PCDHA11: variants seen among roughly 807,000 people sequenced by gnomAD.
PCDHA11 encodes protocadherin alpha 11, also known as protocadherin alpha-11.
In PCDHA11, 61 loss-of-function variants were observed where a neutral mutation model predicts 70.3. The ratio of observed to expected loss-of-function variants is 0.87; its 90% confidence interval spans 0.71 to 1.07. The LOEUF is 1.07. Ranked by LOEUF, PCDHA11 falls within the 50% of genes least tolerant of loss-of-function variation. The pLI, the probability that PCDHA11 is intolerant of heterozygous loss-of-function variation, is 0.00. For missense variants in PCDHA11, 1,324 were observed against 1,237.5 expected, an observed-to-expected ratio of 1.07 and a Z score of -1.05; for synonymous variants, 633 against 555.1, an observed-to-expected ratio of 1.14 and a Z score of -1.97.
intron 1 of PCDHA11, among the ~76,000 whole-genome samples, chr5:140,904,555 C>A (rs1345633704): frequency 6.6e-6 from 1 of 151,632 alleles, no homozygotes. Flanking sequence ...CATATAATGA[C>A]TTTTTTTTCC....
At chr5:140,913,503 T>G (rs1334607884) in intron 1 of PCDHA11, among the ~76,000 whole-genome samples, 6 of 152,182 alleles carry the variant, frequency 3.9e-5, no homozygotes, top group African/African-American at 1.4e-4. Context: ...GTTTAAAACT[T>G]TGTCAATTTT....
intron 1 of PCDHA11, among the ~76,000 whole-genome samples, chr5:140,972,550 A>G (rs534377572): frequency 6.6e-6 from 1 of 152,114 alleles, no homozygotes; most frequent in Admixed American, 6.5e-5. Context: ...TGCAGTGAGG[A>G]TTCTGAAGTA....
chr5:140,967,636 T>G, intron 1 of PCDHA11: 2 of 1,614,138 alleles, frequency 1.2e-6, no homozygotes, highest in Non-Finnish European at 1.7e-6. Context: ...GCTCCAATGG[T>G]GAGCTCAGGT....
At chr5:140,967,128 T>G in intron 1 of PCDHA11, 14 of 1,612,170 alleles carry the variant, frequency 8.7e-6, no homozygotes, top group Non-Finnish European at 1.1e-5. Flanking sequence ...CTGCTCAGCT[T>G]GGAAGTGCTG....
intron 3 of PCDHA11, among the ~76,000 whole-genome samples, chr5:140,984,162 C>A (rs2097089666): frequency 6.6e-6 from 1 of 152,150 alleles, no homozygotes; most frequent in Non-Finnish European, 1.5e-5. Context: ...GAGAACTTCC[C>A]AAAGAAGCCA....
chr5:140,976,054 G>A (rs1554237225), intron 1 of PCDHA11, among the ~76,000 whole-genome samples: 1 of 152,134 alleles, frequency 6.6e-6, no homozygotes, highest in African/African-American at 2.4e-5. Context: ...AATTGTGATA[G>A]TAATATATGT....
At chr5:141,005,437 C>T (rs1469007749) in intron 3 of PCDHA11, among the ~76,000 whole-genome samples, 4 of 152,092 alleles carry the variant, frequency 2.6e-5, no homozygotes, top group African/African-American at 7.2e-5. Context: ...GGATGAGAGG[C>T]TCACGCCTGT....
intron 1 of PCDHA11, among the ~76,000 whole-genome samples, chr5:140,885,265 T>C (rs2060534945): frequency 6.6e-6 from 1 of 152,186 alleles, no homozygotes; most frequent in African/African-American, 2.4e-5. Flanking sequence ...TAATTACTCA[T>C]ACATATATAT....
rs1554164402 is a variant in PCDHA11, at chr5:140,870,554, A to C, written c.1451A>C (p.Gln484Pro). The change falls in exon 1 of 4, where the codon CAG becomes CCG. Residue 484 changes from glutamine to proline, a missense_variant. Gln to Pro is a moderately conservative substitution (Grantham distance 76, BLOSUM62 -1). Coordinates refer to ENST00000398640, the MANE Select transcript of PCDHA11 (RefSeq NM_018902.5). ...FTVSARDADA[Q>P]ENALVSYSLV... ...GTGTCGGCGCGGGACGCGGACGCGC[A>C]GGAGAACGCGCTGGTGTCCTACTCG... The C allele has an allele frequency of 6.2e-7, 1 of 1,614,044 alleles. No homozygotes were observed. Among genetic ancestry groups the C allele is most frequent in the African/African-American group, 1.3e-5 (1 of 75,068 alleles).
At chr5:140,930,013 G>A (rs2086530432) in intron 1 of PCDHA11, 1 of 152,118 alleles carries the variant, frequency 6.6e-6, no homozygotes, top group Admixed American at 6.5e-5. Context: ...ATAGCTGATA[G>A]CTCCATAGCA....
In PCDHA11 at chr5:140,928,822, C is replaced by G. The variant is rs782187448; in HGVS notation, c.2392-50127C>G. ...GGTAGTGGTTCGGGACCATGGAGAC[C>G]CACCACTTTCCTCCTCTGTCACTCT... On this transcript the variant is annotated intron_variant, in intron 1 of 3. Coordinates refer to ENST00000398640, the MANE Select transcript of PCDHA11 (RefSeq NM_018902.5). 6 of 1,614,116 alleles carry G rather than the reference C, an allele frequency of 3.7e-6. No individual in the cohort carries two copies. The South Asian group carries it at 6.6e-5, about 18-fold the overall frequency.
At chr5:140,993,321 G>A (rs1021026330) in intron 3 of PCDHA11, among the ~76,000 whole-genome samples, 58 of 152,134 alleles carry the variant, frequency 3.8e-4, no homozygotes, top group African/African-American at 5.3e-4. Context: ...TACCTTCTAA[G>A]TGTTTGTGAT....
At chr5:140,933,262 T>G (rs2088985963) in intron 1 of PCDHA11, among the ~76,000 whole-genome samples, 1 of 152,012 alleles carries the variant, frequency 6.6e-6, no homozygotes, top group South Asian at 2.1e-4. Flanking sequence ...AAAAGGTTAT[T>G]ATATATTCAT....
At chr5:140,948,897 T>C (rs1487067374) in intron 1 of PCDHA11, among the ~76,000 whole-genome samples, 1 of 151,680 alleles carries the variant, frequency 6.6e-6, no homozygotes. Context: ...AGATTTTAAG[T>C]GGATTCTTAG....
intron 3 of PCDHA11, among the ~76,000 whole-genome samples, chr5:140,987,154 C>T (rs1404083891): frequency 6.6e-6 from 1 of 150,704 alleles, no homozygotes; most frequent in Non-Finnish European, 1.5e-5. Flanking sequence ...GTGGAGGTTG[C>T]AGTGAGCTGA....
At chr5:140,949,181 A>G (rs2094350223) in intron 1 of PCDHA11, among the ~76,000 whole-genome samples, 2 of 151,604 alleles carry the variant, frequency 1.3e-5, no homozygotes, top group Non-Finnish European at 3.0e-5. Context: ...CAGAGAACAT[A>G]CTCTGCATGA....
chr5:140,934,331 A>C (rs1313968911), intron 1 of PCDHA11, among the ~76,000 whole-genome samples: 1 of 152,116 alleles, frequency 6.6e-6, no homozygotes, highest in East Asian at 1.9e-4. Flanking sequence ...CATGAATGTA[A>C]TAACCACCAG....
At position 140,876,890 on chromosome 5, in the gene PCDHA11, A is replaced by G. The variant is rs373414098; in HGVS notation, c.2391+5396A>G. On this transcript the variant is annotated intron_variant, in intron 1 of 3. Coordinates refer to ENST00000398640, the MANE Select transcript of PCDHA11 (RefSeq NM_018902.5). ...AAGGAGAACAACCCGCCGGGCTGCC[A>G]CATCTTCACGGTGTCGGCATGGGAC... The G allele has an allele frequency of 4.0e-5, 65 of 1,613,968 alleles. No individual in the cohort carries two copies. In the African/African-American group the frequency reaches 8.1e-4, roughly 20 times the overall value.
chr5:140,996,701 A>G (rs782320896), intron 3 of PCDHA11, among the ~76,000 whole-genome samples: 2 of 152,130 alleles, frequency 1.3e-5, no homozygotes, highest in Non-Finnish European at 2.9e-5. Flanking sequence ...CTGAACCTCT[A>G]TCTCTTTGAT....
Sources: allele counts gnomAD v4.1 joint callset (sites outside exome capture counted in the v4.1 genomes callset), GRCh38; gene constraint gnomAD v4.1.1; transcripts MANE v1.5; gene names NCBI Gene and HGNC (gene_info 2026-07-23, HGNC 2026-07-21).